DLGAP1: variants seen among roughly 807,000 people sequenced by gnomAD.
DLGAP1 encodes DLG associated protein 1.
DLGAP1 carries 11 observed loss-of-function variants against 90.8 expected under a neutral mutation model. The ratio of observed to expected loss-of-function variants is 0.12; its 90% CI spans 0.08 to 0.20. The LOEUF is 0.20. DLGAP1 is among the 10% of genes least tolerant of loss of function. The probability of loss-of-function intolerance (pLI) is 1.00; values close to 1 mark genes in which losing one functional copy is unlikely to be tolerated. For synonymous variants in DLGAP1, 558 were observed against 540.7 expected (o/e 1.03, Z -0.44); for missense variants, 1,050 against 1,333.8 (o/e 0.79, Z 3.31).
chr18:3,982,497 GGACA>G (rs748144586), intron 3 of DLGAP1, among the ~76,000 whole-genome samples: 1 of 152,244 alleles, frequency 6.6e-6, no homozygotes, highest in African/African-American at 2.4e-5. Flanking sequence ...TTTTGGAGCA[GGACA>G]GACAGACTTG....
At chr18:4,032,370 C>T (rs1319324144) in intron 2 of DLGAP1, among the ~76,000 whole-genome samples, 1 of 152,128 alleles carries the variant, frequency 6.6e-6, no homozygotes, top group Non-Finnish European at 1.5e-5. Context: ...TTTTACAGTG[C>T]ACCATTAGCA....
intron 6 of DLGAP1, among the ~76,000 whole-genome samples, chr18:3,733,892 G>A (rs1256855276): frequency 6.6e-6 from 1 of 152,132 alleles, no homozygotes; most frequent in East Asian, 1.9e-4. Context: ...AGGGTCCAAT[G>A]ATAACTCAGT....
chr18:3,958,429 A>G (rs930116558), intron 3 of DLGAP1, among the ~76,000 whole-genome samples: 2 of 141,412 alleles, frequency 1.4e-5, no homozygotes, highest in African/African-American at 2.6e-5. Context: ...CTTCAATACT[A>G]TTGTGAAGAG....
chr18:3,994,846 G>A (rs1351363767), intron 3 of DLGAP1, among the ~76,000 whole-genome samples: 1 of 152,184 alleles, frequency 6.6e-6, no homozygotes, highest in East Asian at 1.9e-4. Flanking sequence ...ACAATTTGGA[G>A]CACAGCTCTT....
intron 2 of DLGAP1, among the ~76,000 whole-genome samples, chr18:4,019,450 T>C (rs1397317735): frequency 1.3e-5 from 2 of 152,220 alleles, no homozygotes; most frequent in African/African-American, 2.4e-5. Context: ...TAATTTTTTA[T>C]GCAAAAGAGT....
chr18:4,262,826 T>C (rs1316051638), intron 1 of DLGAP1, among the ~76,000 whole-genome samples: 5 of 152,180 alleles, frequency 3.3e-5, no homozygotes, highest in African/African-American at 7.2e-5. Context: ...ACTTATGTCA[T>C]AGAATTGAGA....
intron 1 of DLGAP1, among the ~76,000 whole-genome samples, chr18:4,322,826 TG>T (rs1205751569): frequency 2.9e-4 from 44 of 151,106 alleles, no homozygotes; most frequent in Admixed American, 6.6e-4. Flanking sequence ...CCAGGCGTTT[TG>T]GCGGGCGCCT....
At chr18:3,806,972 G>C (rs2066595470) in intron 5 of DLGAP1, among the ~76,000 whole-genome samples, 1 of 152,200 alleles carries the variant, frequency 6.6e-6, no homozygotes, top group African/African-American at 2.4e-5. Context: ...AGTCTCCACA[G>C]AGCTGAACCC....
At chr18:4,059,048 G>C (rs1449667442) in intron 2 of DLGAP1, among the ~76,000 whole-genome samples, 1 of 152,190 alleles carries the variant, frequency 6.6e-6, no homozygotes, top group Non-Finnish European at 1.5e-5. Flanking sequence ...GATGCAGGCA[G>C]GGTTAGGGGT....
chr18:3,562,377 G>A (rs560917497), intron 9 of DLGAP1, among the ~76,000 whole-genome samples: 3 of 152,114 alleles, frequency 2.0e-5, no homozygotes, highest in East Asian at 3.9e-4. Context: ...ATCTTGAATT[G>A]TAACTCCCAC....
At position 3,879,964 on chromosome 18, in the gene DLGAP1, G is replaced by T; in HGVS notation, c.105C>A (p.Ser35Arg). The T allele has an allele frequency of 6.2e-7, 1 of 1,612,800 alleles. No individual in the cohort carries two copies. Among genetic ancestry groups the T allele is most frequent in the Non-Finnish European group, 8.5e-7 (1 of 1,179,978 alleles). Residue 35 changes from serine to arginine, a missense_variant, in exon 4 of 13, where the codon AGC becomes AGA. Ser to Arg is a moderately radical substitution (Grantham distance 110). Coordinates refer to ENST00000315677, the MANE Select transcript of DLGAP1 (RefSeq NM_004746.4). This position sits in a 1 kb window ranked among gnomAD's most constrained non-coding sequence, Gnocchi z 6.6. The stretch of plus-strand genomic sequence containing the variant: ...GGTCTGCGGGGTGGTGCTCCACTGG[G>T]CTCAGCAGGTAGGGCTTGCGGTCGG... ...HHSDRKPYLL[S>R]PVEHHPADHP...
At chr18:4,392,194 GA>G (rs1408059038) in intron 1 of DLGAP1, among the ~76,000 whole-genome samples, 2 of 152,150 alleles carry the variant, frequency 1.3e-5, no homozygotes, top group African/African-American at 4.8e-5. Context: ...AAAGCCTGTT[GA>G]GGGGCAGTTG....
intron 1 of DLGAP1, among the ~76,000 whole-genome samples, chr18:4,406,628 A>C (rs2144574758): frequency 1.3e-5 from 2 of 152,330 alleles, no homozygotes; most frequent in South Asian, 4.1e-4. Flanking sequence ...GGCAGCGCAT[A>C]AGTAGATATC....
chr18:3,559,856 C>T (rs868134403), intron 9 of DLGAP1, among the ~76,000 whole-genome samples: 33 of 151,736 alleles, frequency 2.2e-4, no homozygotes, highest in South Asian at 4.2e-4. Context: ...CTCCTGACCT[C>T]GTGATCCACC....
chr18:3,915,793 TA>T (rs1055979669), intron 3 of DLGAP1, among the ~76,000 whole-genome samples: 1 of 152,194 alleles, frequency 6.6e-6, no homozygotes, highest in African/African-American at 2.4e-5. Context: ...AAACCTTATT[TA>T]TTTTTTTTTT....
chr18:4,105,619 C>T (rs2143926398), intron 2 of DLGAP1, among the ~76,000 whole-genome samples: 1 of 152,254 alleles, frequency 6.6e-6, no homozygotes, highest in Non-Finnish European at 1.5e-5. Flanking sequence ...CCCAAAGAAA[C>T]ATGTAAATGG....
intron 2 of DLGAP1, among the ~76,000 whole-genome samples, chr18:4,064,461 A>G (rs2075343678): frequency 6.6e-6 from 1 of 152,076 alleles, no homozygotes; most frequent in South Asian, 2.1e-4. Flanking sequence ...ACCAACAAAG[A>G]AAAAAAGAGA....
intron 3 of DLGAP1, among the ~76,000 whole-genome samples, chr18:3,957,204 T>G (rs58178090): frequency 0.025 from 3,869 of 152,250 alleles, 164 homozygotes; most frequent in African/African-American, 0.088. Flanking sequence ...AGCCAGAGAC[T>G]GATTTGAAGA....
chr18:3,888,040 G>A lies in DLGAP1; in HGVS notation c.-72-7900C>T, dbSNP rs544101189. Among the ~76,000 whole-genome samples, 51 of 149,672 alleles carry A rather than the reference G, an allele frequency of 3.4e-4. 2 individuals are homozygous for A. Among genetic ancestry groups the A allele is most frequent in the Admixed American group, 2.5e-3 (37 of 14,938 alleles). On this transcript the variant is annotated intron_variant, in intron 3 of 12. Transcript: ENST00000315677. ...GGAGAATGGCGTGAACCCGGGAGGC[G>A]GAGCTTGCAGTGAGCCGAGATCGCG...
Sources: allele counts gnomAD v4.1 joint callset (sites outside exome capture counted in the v4.1 genomes callset), GRCh38; gene constraint gnomAD v4.1.1; non-coding constraint Gnocchi (gnomAD v3.1); transcripts MANE v1.5; gene names NCBI Gene and HGNC (gene_info 2026-07-23, HGNC 2026-07-21).